SUPT16H: variants seen among roughly 807,000 people sequenced by gnomAD.
SUPT16H encodes FACT complex subunit SPT16.
A neutral mutation model predicts 136.2 loss-of-function variants in SUPT16H; 24 were observed. That is an observed-to-expected ratio of 0.18 (90% CI 0.13 to 0.25). The LOEUF is 0.25. SUPT16H is among the 10% of genes least tolerant of loss of function. SUPT16H has a pLI of 1.00. For missense variants in SUPT16H, 623 were observed against 1,270.2 expected (o/e 0.49, Z 7.74); for synonymous variants, 415 against 428.2 (o/e 0.97, Z 0.38).
chr14:21,357,077 C>T (rs1359839324), intron 22 of SUPT16H, 120 bp downstream of exon 22: 3 of 1,073,684 alleles, frequency 2.8e-6, no homozygotes, highest in Non-Finnish European at 2.5e-6. Context: ...TGGTCTGTAA[C>T]AACCAAAAGG....
intron 2 of SUPT16H, chr14:21,372,340 C>T (rs1474067058): frequency 2.9e-6 from 1 of 343,994 alleles, no homozygotes; most frequent in African/African-American, 2.1e-5. Context: ...GGAAGTATAT[C>T]AATGTTTAGT....
rs1886333346 is a variant in SUPT16H, at chr14:21,352,490, A to AC, written c.*182dup. On this transcript the variant is annotated 3_prime_UTR_variant, in exon 26 of 26. Coordinates refer to ENST00000216297, the MANE Select transcript of SUPT16H (RefSeq NM_007192.4). ...TTGCCATCTGAATGGGGCCATTGGC[A>AC]CGTGTCCTGGTGGGCCTGGAATTCC... 2.2e-6 allele frequency: 2 copies of AC among 898,782 alleles called. No homozygotes were observed. Among genetic ancestry groups the AC allele is most frequent in the South Asian group, 3.3e-5 (2 of 60,202 alleles). 55.7% of individuals were successfully genotyped at this position (898,782 alleles called of 1,614,324 possible).
chr14:21,370,651 A>AC (rs1297545158), intron 3 of SUPT16H, among the ~76,000 whole-genome samples, 163 bp from the exon 4 acceptor site: 1 of 152,016 alleles, frequency 6.6e-6, no homozygotes, highest in South Asian at 2.1e-4. Flanking sequence ...TTGTTCTACT[A>AC]CCCCCAGGGT....
chr14:21,364,966 T>C, intron 9 of SUPT16H, 27 bp from the exon 10 acceptor site: 1 of 1,612,122 alleles, frequency 6.2e-7, no homozygotes, highest in Non-Finnish European at 8.5e-7. Context: ...AGGATCAGTC[T>C]GTGGCTGTGA....
intron 1 of SUPT16H, among the ~76,000 whole-genome samples, chr14:21,381,597 G>T (rs966110434): frequency 1.5e-5 from 2 of 134,120 alleles, no homozygotes; most frequent in Non-Finnish European, 3.2e-5. Flanking sequence ...AAAGCAAAAG[G>T]CTTGGGATTT....
intron 19 of SUPT16H, 44 bp downstream of exon 19, chr14:21,359,440 T>G (rs754993246): frequency 6.2e-6 from 10 of 1,600,626 alleles, no homozygotes; most frequent in South Asian, 1.1e-5. Context: ...TTTGGCCTCA[T>G]CCTCCCTCAC....
intron 1 of SUPT16H, among the ~76,000 whole-genome samples, chr14:21,381,955 A>G (rs895294894): frequency 1.3e-5 from 2 of 152,250 alleles, no homozygotes; most frequent in East Asian, 3.9e-4. Context: ...TCTTATTAAA[A>G]AAAGGAAAAG....
At chr14:21,352,903 T>A (rs184136193) in intron 25 of SUPT16H, 85 bp from the exon 26 acceptor site, 1 of 1,572,032 alleles carries the variant, frequency 6.4e-7, no homozygotes, top group African/African-American at 1.4e-5. Flanking sequence ...GTACAGAGAA[T>A]ACACTTTGGA....
At chr14:21,358,459 T>A in intron 19 of SUPT16H, 32 bp from the exon 20 acceptor site, 1 of 1,494,474 alleles carries the variant, frequency 6.7e-7, no homozygotes, top group East Asian at 2.3e-5. Context: ...AATACAGCCA[T>A]CACATTTGTT....
chr14:21,355,979 T>C (rs1231705197), intron 22 of SUPT16H, among the ~76,000 whole-genome samples: 1 of 152,156 alleles, frequency 6.6e-6, no homozygotes, highest in Non-Finnish European at 1.5e-5. Flanking sequence ...CACAAGACCA[T>C]AATCCCTGAA....
At chr14:21,358,240 T>C in intron 20 of SUPT16H, 75 bp downstream of exon 20, 5 of 958,762 alleles carry the variant, frequency 5.2e-6, no homozygotes, top group Non-Finnish European at 7.9e-6. Context: ...TGTTAAATTA[T>C]TATTAAAGGA....
At chr14:21,369,544 T>C in intron 5 of SUPT16H, 189 bp from the exon 6 acceptor site, 1 of 964,250 alleles carries the variant, frequency 1.0e-6, no homozygotes, top group Non-Finnish European at 1.5e-6. Flanking sequence ...CAGCTATTCC[T>C]ATGATTCTCA....
At chr14:21,365,220 C>T (rs1886640559) in intron 8 of SUPT16H, 77 bp from the exon 9 acceptor site, 2 of 1,335,424 alleles carry the variant, frequency 1.5e-6, no homozygotes, top group African/African-American at 1.5e-5. Context: ...TTCATTTCAA[C>T]TTTCACAATA....
chr14:21,381,825 T>C (rs1408557657), intron 1 of SUPT16H, among the ~76,000 whole-genome samples: 1 of 151,212 alleles, frequency 6.6e-6, no homozygotes, highest in African/African-American at 2.4e-5. Context: ...CTCATCATCT[T>C]GCCCAGGCTG....
At chr14:21,365,275 C>G in intron 8 of SUPT16H, 132 bp from the exon 9 acceptor site, 1 of 811,430 alleles carries the variant, frequency 1.2e-6, no homozygotes, top group East Asian at 2.7e-5. Flanking sequence ...GCTGACCGCT[C>G]AGTTAGAAAA....
chr14:21,374,853 T>C (rs1412323106), intron 1 of SUPT16H, among the ~76,000 whole-genome samples: 2 of 152,338 alleles, frequency 1.3e-5, no homozygotes, highest in East Asian at 1.9e-4. Context: ...CTGGGTCATA[T>C]GGTAACTTTT....
intron 1 of SUPT16H, among the ~76,000 whole-genome samples, chr14:21,375,899 T>C (rs1434954321): frequency 1.3e-5 from 2 of 152,238 alleles, no homozygotes; most frequent in Non-Finnish European, 2.9e-5. Context: ...GGCCTATCTA[T>C]TTTCTTGTGC....
intron 1 of SUPT16H, 116 bp from the exon 2 acceptor site, chr14:21,373,546 G>C (rs1886834016): frequency 1.3e-6 from 1 of 793,398 alleles, no homozygotes; most frequent in African/African-American, 1.7e-5. Context: ...TCAAGTTTAA[G>C]GTACATGCCT....
chr14:21,360,653 C>G, intron 17 of SUPT16H, 120 bp from the exon 18 acceptor site: 1 of 1,200,722 alleles, frequency 8.3e-7, no homozygotes, highest in African/African-American at 1.5e-5. Flanking sequence ...ATAGAGCTTT[C>G]CTTTCCTTCT....
Sources: gnomAD v4.1 joint callset for allele counts (sites outside exome capture counted in the v4.1 genomes callset) on GRCh38, gnomAD v4.1.1 for gene constraint, MANE v1.5 for transcripts, NCBI Gene and HGNC (gene_info 2026-07-23, HGNC 2026-07-21) for gene names.